KIF6: variants seen among roughly 807,000 people sequenced by gnomAD.
KIF6 encodes kinesin-like protein KIF6.
Under a neutral mutation model 112.7 loss-of-function variants are expected in KIF6, and 106 were observed. The observed-to-expected ratio is 0.94, with a 90% CI of 0.80 to 1.11. The LOEUF (loss-of-function observed/expected upper bound fraction) is 1.11, where lower values mean the gene tolerates loss of function less well. Ranked by LOEUF, KIF6 falls within the 50% of genes least tolerant of loss-of-function variation. KIF6 has a pLI of 0.00. For missense variants in KIF6, 929 were observed against 964.0 expected (o/e 0.96, Z 0.48); for synonymous variants, 339 against 339.9 (o/e 1.00, Z 0.03).
At chr6:39,678,367 G>A (rs1232470823) in intron 3 of KIF6, among the ~76,000 whole-genome samples, 3 of 152,200 alleles carry the variant, frequency 2.0e-5, no homozygotes, top group Admixed American at 2.0e-4. Context: ...GTGTCAGGTG[G>A]AGAGTTTGGT....
intron 13 of KIF6, among the ~76,000 whole-genome samples, chr6:39,535,620 T>C (rs1364697878): frequency 6.6e-6 from 1 of 152,150 alleles, no homozygotes; most frequent in Non-Finnish European, 1.5e-5. Context: ...AATGGGAGAC[T>C]TTAACACCCC....
At chr6:39,672,119 G>T (rs1344787828) in intron 3 of KIF6, among the ~76,000 whole-genome samples, 1 of 152,196 alleles carries the variant, frequency 6.6e-6, no homozygotes, top group African/African-American at 2.4e-5. Context: ...TTTGGTGATA[G>T]TTCTGTGACC....
At chr6:39,650,457 G>A (rs1404820858) in intron 3 of KIF6, among the ~76,000 whole-genome samples, 1 of 151,710 alleles carries the variant, frequency 6.6e-6, no homozygotes, top group Non-Finnish European at 1.5e-5. Context: ...TGAAAAGTGA[G>A]GGCTGCATTT....
intron 13 of KIF6, among the ~76,000 whole-genome samples, chr6:39,497,304 C>T (rs1333188987): frequency 1.3e-5 from 2 of 152,212 alleles, no homozygotes; most frequent in African/African-American, 4.8e-5. Flanking sequence ...CCCAGAAAAA[C>T]AGATCTGTCA....
At chr6:39,504,508 G>A (rs1562270852) in intron 13 of KIF6, among the ~76,000 whole-genome samples, 1 of 152,140 alleles carries the variant, frequency 6.6e-6, no homozygotes, top group African/African-American at 2.4e-5. Flanking sequence ...GGGCAATCAG[G>A]CAAGATAAAT....
chr6:39,471,563 T>C (rs1333709327), intron 13 of KIF6, among the ~76,000 whole-genome samples: 1 of 152,232 alleles, frequency 6.6e-6, no homozygotes, highest in Non-Finnish European at 1.5e-5. Flanking sequence ...GTACCCATGA[T>C]GGCTGCAGGC....
chr6:39,598,316 A>T (rs1183147841), intron 6 of KIF6, among the ~76,000 whole-genome samples: 1 of 152,174 alleles, frequency 6.6e-6, no homozygotes, highest in Non-Finnish European at 1.5e-5. Context: ...TATTTGATAA[A>T]ATGCTCAAAT....
intron 13 of KIF6, among the ~76,000 whole-genome samples, chr6:39,499,070 C>T (rs943215120): frequency 6.6e-6 from 1 of 152,186 alleles, no homozygotes; most frequent in South Asian, 2.1e-4. Flanking sequence ...GCCAAAAGAC[C>T]TTTACTCATT....
intron 6 of KIF6, among the ~76,000 whole-genome samples, chr6:39,609,445 A>G (rs1339807269): frequency 1.3e-5 from 2 of 151,976 alleles, no homozygotes; most frequent in Admixed American, 6.6e-5. Context: ...AAGAAATTAT[A>G]TGCTAGACCA....
intron 13 of KIF6, among the ~76,000 whole-genome samples, chr6:39,481,911 T>C (rs1774820781): frequency 6.6e-6 from 1 of 152,090 alleles, no homozygotes; most frequent in African/African-American, 2.4e-5. Context: ...CTATCCCTTA[T>C]GTGACCTCCA....
intron 13 of KIF6, among the ~76,000 whole-genome samples, chr6:39,510,096 T>C (rs1776680452): frequency 3.9e-5 from 2 of 51,352 alleles, no homozygotes; most frequent in African/African-American, 4.1e-4. Flanking sequence ...TTTCTTTTCT[T>C]TTTTTTTTTT....
At chr6:39,498,302 T>C (rs1302261059) in intron 13 of KIF6, among the ~76,000 whole-genome samples, 1 of 152,172 alleles carries the variant, frequency 6.6e-6, no homozygotes, top group Non-Finnish European at 1.5e-5. Flanking sequence ...TAATCAGCTG[T>C]TGATAATTTT....
intron 14 of KIF6, among the ~76,000 whole-genome samples, chr6:39,422,683 A>C (rs1183078099): frequency 6.6e-6 from 1 of 152,156 alleles, no homozygotes; most frequent in Non-Finnish European, 1.5e-5. Flanking sequence ...TGCGAGAAAG[A>C]GGGTGACCCC....
chr6:39,615,155 G>A (rs1390366606), intron 5 of KIF6, among the ~76,000 whole-genome samples: 5 of 151,170 alleles, frequency 3.3e-5, no homozygotes, highest in Admixed American at 6.6e-5. Context: ...TCTGGGAGAC[G>A]GAGCGAGGCC....
chr6:39,623,495 A>G (rs369829290), intron 5 of KIF6, among the ~76,000 whole-genome samples: 128 of 152,280 alleles, frequency 8.4e-4, no homozygotes, highest in African/African-American at 2.8e-3. Flanking sequence ...GTTCTCGAAC[A>G]TTTCCTGAGC....
At chr6:39,633,681 G>A (rs1415537113) in intron 5 of KIF6, among the ~76,000 whole-genome samples, 1 of 152,178 alleles carries the variant, frequency 6.6e-6, no homozygotes, top group African/African-American at 2.4e-5. Context: ...TTCTCAGCAT[G>A]GCTAGCATTC....
chr6:39,392,200 G>A (rs970542914), intron 15 of KIF6, among the ~76,000 whole-genome samples: 1 of 152,146 alleles, frequency 6.6e-6, no homozygotes, highest in Non-Finnish European at 1.5e-5. Context: ...TTTGACATCT[G>A]TTTTGCTGTA....
At chr6:39,389,386 C>T (rs1767681992) in intron 15 of KIF6, among the ~76,000 whole-genome samples, 1 of 152,112 alleles carries the variant, frequency 6.6e-6, no homozygotes, top group African/African-American at 2.4e-5. Flanking sequence ...GATGCTGTGC[C>T]TCATTCAACA....
chr6:39,629,053 TAC>T (rs2150748982), intron 5 of KIF6, among the ~76,000 whole-genome samples: 1 of 152,300 alleles, frequency 6.6e-6, no homozygotes, highest in African/African-American at 2.4e-5. Context: ...ATGGATGTAC[TAC>T]AGTTTATCTG....
Sources: allele counts gnomAD v4.1 joint callset (sites outside exome capture counted in the v4.1 genomes callset), GRCh38; gene constraint gnomAD v4.1.1; transcripts MANE v1.5; gene names NCBI Gene and HGNC (gene_info 2026-07-23, HGNC 2026-07-21).